Variants in DOCK4 observed in about 807,000 individuals in gnomAD.
DOCK4 encodes the protein dedicator of cytokinesis protein 4.
Under a neutral mutation model 268.1 loss-of-function variants are expected in DOCK4, and 97 were observed. The ratio of observed to expected loss-of-function variants is 0.36; its 90% confidence interval spans 0.31 to 0.43. The LOEUF (loss-of-function observed/expected upper bound fraction) is 0.43. Ranked by LOEUF, DOCK4 falls within the 20% of genes least tolerant of loss-of-function variation. DOCK4 has a pLI of 1.00. For synonymous variants in DOCK4, 954 were observed against 887.2 expected (o/e 1.08, Z -1.34); for missense variants, 2,145 against 2,455.7 (o/e 0.87, Z 2.67).
intron 4 of DOCK4, among the ~76,000 whole-genome samples, chr7:111,997,064 A>C (rs543600831): frequency 2.0e-5 from 3 of 152,350 alleles, no homozygotes; most frequent in South Asian, 2.1e-4. Flanking sequence ...GGGGTAGCCC[A>C]TGGTGTTTTC....
intron 1 of DOCK4, among the ~76,000 whole-genome samples, chr7:112,174,918 G>C (rs1014693611): frequency 1.3e-5 from 2 of 149,572 alleles, no homozygotes; most frequent in Non-Finnish European, 3.0e-5. Flanking sequence ...AAGAATTATA[G>C]CCACTGTGTT....
chr7:111,729,506 C>A (rs1382414052), intron 52 of DOCK4, among the ~76,000 whole-genome samples: 1 of 152,042 alleles, frequency 6.6e-6, no homozygotes, highest in East Asian at 1.9e-4. Context: ...CGTGGAGCCA[C>A]CAGTGCACTC....
At chr7:111,857,789 C>T (rs997527945) in intron 23 of DOCK4, among the ~76,000 whole-genome samples, 2 of 152,320 alleles carry the variant, frequency 1.3e-5, no homozygotes, top group African/African-American at 4.8e-5. Flanking sequence ...CCTCCTTCCC[C>T]AACAACCTCT....
intron 1 of DOCK4, among the ~76,000 whole-genome samples, chr7:112,060,020 G>A (rs996320409): frequency 2.8e-4 from 42 of 152,300 alleles, no homozygotes; most frequent in African/African-American, 7.5e-4. Flanking sequence ...GCAGCTAGAA[G>A]GATCATGATA....
chr7:111,841,298 G>A (rs1803674322), intron 25 of DOCK4, among the ~76,000 whole-genome samples: 1 of 151,946 alleles, frequency 6.6e-6, no homozygotes, highest in Non-Finnish European at 1.5e-5. Flanking sequence ...CTGAGTAGCT[G>A]GGGTTACAGG....
intron 12 of DOCK4, among the ~76,000 whole-genome samples, chr7:111,919,993 A>G (rs1051006617): frequency 6.6e-6 from 1 of 152,224 alleles, no homozygotes; most frequent in East Asian, 1.9e-4. Context: ...AGTAAGAAAC[A>G]ACATAATGAA....
intron 36 of DOCK4, among the ~76,000 whole-genome samples, chr7:111,773,023 C>T (rs1056047621): frequency 3.9e-5 from 6 of 152,188 alleles, no homozygotes; most frequent in Admixed American, 1.3e-4. Context: ...AGACAAATTA[C>T]ACCTGTTTCA....
intron 1 of DOCK4, among the ~76,000 whole-genome samples, chr7:112,127,953 C>T (rs1479413674): frequency 5.3e-5 from 8 of 152,080 alleles, no homozygotes; most frequent in African/African-American, 1.2e-4. Context: ...TGCTTGAACC[C>T]GGGAGGCAGA....
At chr7:112,159,893 T>A (rs972219150) in intron 1 of DOCK4, among the ~76,000 whole-genome samples, 2 of 146,308 alleles carry the variant, frequency 1.4e-5, no homozygotes, top group African/African-American at 5.3e-5. Context: ...TATACACACA[T>A]AATGTATATA....
Position 111,872,294 on chromosome 7 carries a change from T to C in DOCK4, c.1901A>G (p.Tyr634Cys). ...CAAAGAATCAAACACTTTAGACCCATATTTTTGGGAATTTTCATCTAAAAT... is the reference window on the plus strand; with the variant it reads ...CAAAGAATCAAACACTTTAGACCCACATTTTTGGGAATTTTCATCTAAAAT... ...FGILDENSQK[Y>C]GSKVFDSLVH... Residue 634 changes from tyrosine (Y) to cysteine (C), a missense_variant, in exon 19 of 53, where the codon TAT becomes TGT. Around this residue, in one of 2 missense-constraint regions of DOCK4, gnomAD observed 1,598 missense variants for 1,986.7 expected, o/e 0.80. Transcript: ENST00000428084. 1 of 1,559,410 alleles carries C rather than the reference T, an allele frequency of 6.4e-7. No homozygotes were observed. Among genetic ancestry groups the C allele is most frequent in the Non-Finnish European group, 8.7e-7 (1 of 1,151,368 alleles).
chr7:112,195,630 A>T (rs556390044), intron 1 of DOCK4, among the ~76,000 whole-genome samples: 4 of 151,900 alleles, frequency 2.6e-5, no homozygotes, highest in African/African-American at 9.7e-5. Flanking sequence ...CCTTATGTAC[A>T]TGCATCCCCA....
At chr7:112,051,990 T>C (rs902000088) in intron 1 of DOCK4, among the ~76,000 whole-genome samples, 1 of 152,150 alleles carries the variant, frequency 6.6e-6, no homozygotes, top group Admixed American at 6.6e-5. Flanking sequence ...CTTCTGCAGA[T>C]ACCAAAATCC....
chr7:111,791,366 T>C (rs1799533516), intron 30 of DOCK4, among the ~76,000 whole-genome samples: 1 of 151,022 alleles, frequency 6.6e-6, no homozygotes, highest in Non-Finnish European at 1.5e-5. Context: ...CTCTGGATGG[T>C]GAGATTACGG....
intron 16 of DOCK4, among the ~76,000 whole-genome samples, chr7:111,878,518 T>G (rs1807104458): frequency 6.6e-6 from 1 of 152,126 alleles, no homozygotes; most frequent in African/African-American, 2.4e-5. Context: ...CAGTACCTGG[T>G]TTTAACTTCA....
chr7:111,764,645 C>CAAT (rs1432777708), intron 39 of DOCK4, among the ~76,000 whole-genome samples: 1 of 152,060 alleles, frequency 6.6e-6, no homozygotes, highest in African/African-American at 2.4e-5. Context: ...TTTATACTAG[C>CAAT]AATAAATTGG....
At chr7:111,893,248 T>C (rs1808438224) in intron 16 of DOCK4, among the ~76,000 whole-genome samples, 1 of 152,196 alleles carries the variant, frequency 6.6e-6, no homozygotes, top group South Asian at 2.1e-4. Context: ...CTCTGCTACC[T>C]GTCCTCTGGC....
intron 30 of DOCK4, among the ~76,000 whole-genome samples, chr7:111,805,220 G>A (rs17158833): frequency 0.052 from 7,931 of 152,182 alleles, 701 homozygotes; most frequent in African/African-American, 0.18. Context: ...GCAGAGCCAC[G>A]GATTCATTCC....
At chr7:111,902,078 AT>A (rs1005651691) in intron 13 of DOCK4, among the ~76,000 whole-genome samples, 6 of 152,218 alleles carry the variant, frequency 3.9e-5, no homozygotes, top group African/African-American at 1.4e-4. Context: ...AAGTCTCACC[AT>A]TTTTCAATAT....
chr7:112,021,941 CT>C (rs1647384682), intron 1 of DOCK4, among the ~76,000 whole-genome samples: 1 of 152,124 alleles, frequency 6.6e-6, no homozygotes, highest in African/African-American at 2.4e-5. Context: ...GAAGGGCATA[CT>C]AAATGCTATG....
Sources: gnomAD v4.1 joint callset for allele counts (sites outside exome capture counted in the v4.1 genomes callset) on GRCh38, gnomAD v4.1.1 for gene constraint, gnomAD v4.1.1 regional missense constraint, MANE v1.5 for transcripts, NCBI Gene and HGNC (gene_info 2026-07-23, HGNC 2026-07-21) for gene names.